Variants in GRID2 observed in about 807,000 individuals in gnomAD.
GRID2 encodes the protein glutamate ionotropic receptor delta type subunit 2, also known as glutamate receptor ionotropic, delta-2.
GRID2 carries 33 observed loss-of-function variants against 114.8 expected under a neutral mutation model. The ratio of observed to expected loss-of-function variants is 0.29; its 90% CI spans 0.22 to 0.38. The LOEUF (loss-of-function observed/expected upper bound fraction) is 0.38. Ranked by LOEUF, GRID2 falls within the 10% of genes least tolerant of loss-of-function variation. GRID2 has a pLI of 1.00. For synonymous variants in GRID2, 505 were observed against 449.9 expected (o/e 1.12, Z -1.55); for missense variants, 1,184 against 1,257.7 (o/e 0.94, Z 0.89).
chr4:93,184,553 T>C (rs1740216501), intron 4 of GRID2, among the ~76,000 whole-genome samples: 2 of 151,134 alleles, frequency 1.3e-5, no homozygotes, highest in Admixed American at 6.6e-5. Context: ...CTTTCATATA[T>C]TTCTCAAGTC....
chr4:92,350,029 T>C (rs551144123), intron 1 of GRID2, among the ~76,000 whole-genome samples: 1 of 152,054 alleles, frequency 6.6e-6, no homozygotes, highest in African/African-American at 2.4e-5. Flanking sequence ...CCATTACATA[T>C]TACAATCCAT....
intron 14 of GRID2, among the ~76,000 whole-genome samples, chr4:93,695,929 T>G (rs756576108): frequency 6.6e-6 from 1 of 152,244 alleles, no homozygotes; most frequent in Non-Finnish European, 1.5e-5. Flanking sequence ...AAAATGGATA[T>G]ATGCATATCT....
chr4:93,019,448 A>G (rs1424461261), intron 2 of GRID2, among the ~76,000 whole-genome samples: 1 of 152,150 alleles, frequency 6.6e-6, no homozygotes, highest in East Asian at 1.9e-4. Context: ...TTATTTAACC[A>G]ATTGCTGTGA....
intron 1 of GRID2, among the ~76,000 whole-genome samples, chr4:92,449,268 G>A (rs1057413001): frequency 2.6e-5 from 4 of 151,948 alleles, no homozygotes; most frequent in African/African-American, 7.2e-5. Context: ...GTTTTGTAAT[G>A]CAAAGTTGAT....
chr4:92,679,917 G>GAA (rs35215896), intron 2 of GRID2, among the ~76,000 whole-genome samples: 2,442 of 147,094 alleles, frequency 0.017, 61 homozygotes, highest in African/African-American at 0.052. Context: ...TAAATTGACT[G>GAA]AAAAAAAAAA....
At chr4:93,742,055 AT>A (rs1327396568) in intron 14 of GRID2, among the ~76,000 whole-genome samples, 1 of 152,068 alleles carries the variant, frequency 6.6e-6, no homozygotes, top group African/African-American at 2.4e-5. Context: ...GAAATGTGAG[AT>A]TTTACTTTTT....
chr4:92,570,188 C>T (rs148051318), intron 1 of GRID2, among the ~76,000 whole-genome samples: 1,984 of 151,972 alleles, frequency 0.013, 16 homozygotes, highest in Non-Finnish European at 0.021. Context: ...CTAGCTAGTT[C>T]TCAGAGCACC....
intron 13 of GRID2, among the ~76,000 whole-genome samples, chr4:93,530,196 C>T (rs1284831258): frequency 6.6e-6 from 1 of 152,144 alleles, no homozygotes; most frequent in African/African-American, 2.4e-5. Context: ...TTGGCCCCCT[C>T]CTGCAAATTC....
At chr4:93,133,887 T>TG (rs1450850160) in intron 4 of GRID2, among the ~76,000 whole-genome samples, 1 of 152,192 alleles carries the variant, frequency 6.6e-6, no homozygotes, top group Non-Finnish European at 1.5e-5. Context: ...TGGCAAGCTG[T>TG]TGTTCAAAGT....
intron 13 of GRID2, among the ~76,000 whole-genome samples, chr4:93,517,210 A>G (rs748417897): frequency 3.3e-5 from 5 of 149,830 alleles, no homozygotes; most frequent in African/African-American, 5.0e-5. Context: ...GGCCCTGAAG[A>G]TTACCTGAGA....
chr4:92,952,731 C>T (rs927676426), intron 2 of GRID2, among the ~76,000 whole-genome samples: 7 of 152,192 alleles, frequency 4.6e-5, no homozygotes, highest in African/African-American at 1.7e-4. Context: ...TTGGAATTCC[C>T]ATGTTTCAGG....
chr4:93,013,781 T>A (rs187542240), intron 2 of GRID2, among the ~76,000 whole-genome samples: 2 of 152,122 alleles, frequency 1.3e-5, no homozygotes, highest in East Asian at 3.9e-4. Context: ...CTAATCCACT[T>A]TTAATGTTTA....
intron 14 of GRID2, among the ~76,000 whole-genome samples, chr4:93,745,517 A>ATCTTTTTTTTTTG (rs1731770173): frequency 1.3e-5 from 2 of 152,070 alleles, no homozygotes. Flanking sequence ...TTTGGAGATA[A>ATCTTTTTTTTTTG]GAGTACCAAA....
intron 13 of GRID2, among the ~76,000 whole-genome samples, chr4:93,575,432 A>G (rs1736329669): frequency 6.6e-6 from 1 of 152,172 alleles, no homozygotes; most frequent in Non-Finnish European, 1.5e-5. Flanking sequence ...TTCTAACATC[A>G]AAGCTAATAT....
intron 13 of GRID2, among the ~76,000 whole-genome samples, chr4:93,533,298 C>CTTCCTTCCTTCT: frequency 9.0e-6 from 1 of 110,666 alleles, no homozygotes; most frequent in South Asian, 3.0e-4. Flanking sequence ...TCCTTCCTTC[C>CTTCCTTCCTTCT]TTCCTTCCTT....
At chr4:93,500,815 A>G (rs1728021751) in intron 12 of GRID2, among the ~76,000 whole-genome samples, 1 of 151,970 alleles carries the variant, frequency 6.6e-6, no homozygotes, top group Admixed American at 6.6e-5. Context: ...TTTGCCAGGT[A>G]AGTTTTCTCT....
intron 14 of GRID2, among the ~76,000 whole-genome samples, chr4:93,765,366 T>C (rs1395081718): frequency 2.0e-5 from 3 of 151,900 alleles, no homozygotes; most frequent in Non-Finnish European, 4.4e-5. Context: ...TCTCTGTACA[T>C]CCCCAAAGAT....
intron 2 of GRID2, among the ~76,000 whole-genome samples, chr4:92,790,936 C>T (rs1268564866): frequency 6.6e-6 from 1 of 151,688 alleles, no homozygotes; most frequent in Admixed American, 6.6e-5. Flanking sequence ...ACTACGTAAG[C>T]CTTATGTTAC....
chr4:92,557,393 A>C (rs1726901587), intron 1 of GRID2, among the ~76,000 whole-genome samples: 1 of 151,348 alleles, frequency 6.6e-6, no homozygotes, highest in Admixed American at 6.6e-5. Context: ...TTTTTTGATC[A>C]GGAAACAGGA....
Sources: allele counts gnomAD v4.1 joint callset (sites outside exome capture counted in the v4.1 genomes callset), GRCh38; gene constraint gnomAD v4.1.1; transcripts MANE v1.5; gene names NCBI Gene and HGNC (gene_info 2026-07-23, HGNC 2026-07-21).